Variants in SH3BGRL2 observed in about 807,000 individuals in gnomAD.
The protein encoded by SH3BGRL2 is SH3 domain binding glutamate rich protein like 2.
In SH3BGRL2, 21 loss-of-function variants were observed where a neutral mutation model predicts 14.8. That is an observed-to-expected ratio of 1.42 (90% CI 1.01 to 2.05). The LOEUF (loss-of-function observed/expected upper bound fraction) is 2.05, where lower values mean the gene tolerates loss of function less well. Ranked by LOEUF, SH3BGRL2 falls within the 30% of genes most tolerant of loss-of-function variation. The pLI is 0.00. For missense variants in SH3BGRL2, 147 were observed against 130.8 expected, an observed-to-expected ratio of 1.12 and a Z score of -0.61; for synonymous variants, 50 against 47.8, an observed-to-expected ratio of 1.05 and a Z score of -0.19.
chr6:79,664,770 G>T (rs183449062), intron 1 of SH3BGRL2, among the ~76,000 whole-genome samples: 1 of 152,160 alleles, frequency 6.6e-6, no homozygotes. Context: ...ATGGAAAGAC[G>T]GAAAGATGTT....
At chr6:79,545,373 AT>A in the SH3BGRL2 span, among the ~76,000 whole-genome samples, 1 of 152,200 alleles carries the variant, frequency 6.6e-6, no homozygotes, top group Non-Finnish European at 1.5e-5. Context: ...CAAATGATGC[AT>A]GCTTTATTAC....
At chr6:79,649,985 T>TCTCTCTCACACACACACA (rs765159303) in intron 1 of SH3BGRL2, among the ~76,000 whole-genome samples, 35 of 141,972 alleles carry the variant, frequency 2.5e-4, no homozygotes, top group South Asian at 7.1e-4. Context: ...TCTCTCTCTC[T>TCTCTCTCACACACACACA]CACACACACA....
At chr6:79,661,582 T>C (rs1769549215) in intron 1 of SH3BGRL2, among the ~76,000 whole-genome samples, 1 of 152,202 alleles carries the variant, frequency 6.6e-6, no homozygotes, top group African/African-American at 2.4e-5. Flanking sequence ...AAGTGCGATA[T>C]GGTGCTGAGA....
chr6:79,595,737 T>C, the SH3BGRL2 span, among the ~76,000 whole-genome samples: 2 of 152,304 alleles, frequency 1.3e-5, no homozygotes, highest in Admixed American at 6.5e-5. Flanking sequence ...AAAAGATTGG[T>C]TGCATTCCCC....
the SH3BGRL2 span, among the ~76,000 whole-genome samples, chr6:79,619,611 T>C: frequency 6.6e-6 from 1 of 152,180 alleles, no homozygotes; most frequent in Non-Finnish European, 1.5e-5. Flanking sequence ...TCCTAGAGAA[T>C]TCATCACATC....
chr6:79,595,677 A>T, the SH3BGRL2 span, among the ~76,000 whole-genome samples: 2 of 152,214 alleles, frequency 1.3e-5, no homozygotes, highest in Non-Finnish European at 2.9e-5. Context: ...GAAATTCCTC[A>T]ATCTGATTAA....
At chr6:79,641,276 A>C (rs1340901618) in intron 1 of SH3BGRL2, among the ~76,000 whole-genome samples, 1 of 151,968 alleles carries the variant, frequency 6.6e-6, no homozygotes, top group Non-Finnish European at 1.5e-5. Flanking sequence ...GGTTTCTTCA[A>C]ATGGGAATTG....
intron 2 of SH3BGRL2, among the ~76,000 whole-genome samples, chr6:79,679,046 G>T (rs1240402330): frequency 2.0e-5 from 3 of 152,244 alleles, no homozygotes; most frequent in Non-Finnish European, 4.4e-5. Context: ...TTGATTCCAT[G>T]TCTTTGCTAT....
At chr6:79,632,205 A>C (rs373112072) in intron 1 of SH3BGRL2, among the ~76,000 whole-genome samples, 51 of 151,966 alleles carry the variant, frequency 3.4e-4, no homozygotes, top group African/African-American at 1.1e-3. Context: ...GTGGTTTTCT[A>C]TTTAATTATT....
the SH3BGRL2 span, among the ~76,000 whole-genome samples, chr6:79,623,603 G>A: frequency 6.6e-6 from 1 of 152,206 alleles, no homozygotes; most frequent in African/African-American, 2.4e-5. Context: ...ATTAGATGGA[G>A]ATGGACACAA....
intron 1 of SH3BGRL2, among the ~76,000 whole-genome samples, chr6:79,632,914 A>C (rs1768853473): frequency 6.6e-6 from 1 of 152,270 alleles, no homozygotes; most frequent in South Asian, 2.1e-4. Flanking sequence ...ACCGACTTGC[A>C]TGCTTCAATA....
chr6:79,569,555 T>C, the SH3BGRL2 span, among the ~76,000 whole-genome samples: 1 of 152,128 alleles, frequency 6.6e-6, no homozygotes, highest in East Asian at 1.9e-4. Context: ...TCTTAAGGTC[T>C]CTGTGTTAAT....
At chr6:79,545,157 C>T in the SH3BGRL2 span, among the ~76,000 whole-genome samples, 11 of 152,220 alleles carry the variant, frequency 7.2e-5, no homozygotes, top group African/African-American at 2.7e-4. Flanking sequence ...GACTCATCAT[C>T]TTAACAATGA....
Position 79,631,349 on chromosome 6 carries a change from G to A in SH3BGRL2, c.-113G>A. On this transcript the variant is annotated 5_prime_UTR_variant, in exon 1 of 4. Transcript: ENST00000369838. ...GAGCCAGATCCCAGCGATCTTCCCC[G>A]ACGGCAGCGCTTTACCCAGAGGCTG... 1 of 975,976 alleles carries A rather than the reference G, an allele frequency of 1.0e-6. No individual in the cohort carries two copies. The highest frequency in any genetic ancestry group is 1.7e-5 in the African/African-American group (1 of 58,666). 60.5% of individuals were successfully genotyped at this position (975,976 alleles called of 1,614,324 possible). A position where few individuals can be genotyped will look rare whatever the true frequency, so the allele number is the denominator to read the frequency against.
chr6:79,696,188 A>T (rs891034167), intron 2 of SH3BGRL2, among the ~76,000 whole-genome samples: 1 of 152,158 alleles, frequency 6.6e-6, no homozygotes, highest in Non-Finnish European at 1.5e-5. Flanking sequence ...TCACAGACAA[A>T]TGTTAGTTTG....
At chr6:79,616,894 G>GA in the SH3BGRL2 span, among the ~76,000 whole-genome samples, 2 of 152,034 alleles carry the variant, frequency 1.3e-5, no homozygotes, top group East Asian at 1.9e-4. Flanking sequence ...TTTTGATTAT[G>GA]AAAAAAATCA....
chr6:79,574,104 A>G, the SH3BGRL2 span: 2 of 152,256 alleles, frequency 1.3e-5, no homozygotes, highest in African/African-American at 2.4e-5. Context: ...AAACAAGTTT[A>G]TTCATGCTTG....
chr6:79,637,248 A>G (rs1768943311), intron 1 of SH3BGRL2, among the ~76,000 whole-genome samples: 1 of 152,222 alleles, frequency 6.6e-6, no homozygotes, highest in South Asian at 2.1e-4. Context: ...TCCATTCTTC[A>G]GTAACATTTA....
chr6:79,556,627 C>T, the SH3BGRL2 span, among the ~76,000 whole-genome samples: 24 of 151,908 alleles, frequency 1.6e-4, no homozygotes, highest in African/African-American at 2.2e-4. Flanking sequence ...TAACCCTTAA[C>T]CCAGTAGTTC....
Sources: allele counts gnomAD v4.1 joint callset (sites outside exome capture counted in the v4.1 genomes callset), GRCh38; gene constraint gnomAD v4.1.1; transcripts MANE v1.5; gene names NCBI Gene and HGNC (gene_info 2026-07-23, HGNC 2026-07-21).